TLK1: variants seen among roughly 807,000 people sequenced by gnomAD.
TLK1 encodes tousled like kinase 1, also known as serine/threonine-protein kinase tousled-like 1.
A neutral mutation model predicts 105.3 loss-of-function variants in TLK1; 24 were observed. The ratio of observed to expected loss-of-function variants is 0.23; its 90% CI spans 0.17 to 0.32. The LOEUF is 0.32. Among genes scored for constraint, TLK1 ranks in the 10% least tolerant of loss-of-function variants. The pLI is 1.00. For synonymous variants in TLK1, 321 were observed against 310.4 expected, an observed-to-expected ratio of 1.03 and a Z score of -0.36; for missense variants, 558 against 910.5, an observed-to-expected ratio of 0.61 and a Z score of 4.98.
chr2:171,114,041 A>G (rs992102940), intron 2 of TLK1, among the ~76,000 whole-genome samples: 2 of 152,190 alleles, frequency 1.3e-5, no homozygotes, highest in African/African-American at 4.8e-5. Context: ...CAATTACCAG[A>G]TGTCAAATGG....
At chr2:171,162,973 G>T (rs1692542675), upstream of TLK1, among the ~76,000 whole-genome samples, 1 of 152,134 alleles carries the variant, frequency 6.6e-6, no homozygotes, top group Non-Finnish European at 1.5e-5. Context: ...TGTATTTTTA[G>T]TAGAGATGGG....
At chr2:171,003,228 C>G (rs987679807) in intron 18 of TLK1, among the ~76,000 whole-genome samples, 2 of 133,098 alleles carry the variant, frequency 1.5e-5, no homozygotes, top group South Asian at 4.8e-4. Context: ...GAGCCGAGAT[C>G]GCACCACTGC....
chr2:171,079,115 T>C (rs1382999627), intron 3 of TLK1, among the ~76,000 whole-genome samples: 1 of 152,230 alleles, frequency 6.6e-6, no homozygotes, highest in Non-Finnish European at 1.5e-5. Flanking sequence ...AGAGCAGTAG[T>C]GGCTGAGAAT....
intron 10 of TLK1, among the ~76,000 whole-genome samples, chr2:171,046,672 T>C (rs1020365852): frequency 6.6e-6 from 1 of 152,226 alleles, no homozygotes; most frequent in African/African-American, 2.4e-5. Context: ...TCAGAAAGTG[T>C]CCGGTTAGAT....
At chr2:171,184,642 C>CA (rs140562844) in intron 1 of TLK1, among the ~76,000 whole-genome samples, 1,026 of 52,128 alleles carry the variant, frequency 0.02, 19 homozygotes, top group African/African-American at 0.051. Flanking sequence ...AACTCCGTCT[C>CA]AAAAAAAAAA....
At chr2:171,129,906 T>A (rs1176117926) in intron 1 of TLK1, among the ~76,000 whole-genome samples, 1 of 151,146 alleles carries the variant, frequency 6.6e-6, no homozygotes, top group Non-Finnish European at 1.5e-5. Flanking sequence ...TTCTAAATAT[T>A]CTAAATATTC....
chr2:171,173,268 A>G (rs1355917200), intron 1 of TLK1, among the ~76,000 whole-genome samples: 1 of 152,214 alleles, frequency 6.6e-6, no homozygotes, highest in Non-Finnish European at 1.5e-5. Context: ...AAAAAGGAAA[A>G]CACACAAATG....
intron 2 of TLK1, among the ~76,000 whole-genome samples, chr2:171,088,680 G>A (rs1473587644): frequency 6.6e-6 from 1 of 152,208 alleles, no homozygotes; most frequent in East Asian, 1.9e-4. Flanking sequence ...AACACTGGAA[G>A]CTAGAAGACA....
At chr2:171,022,634 T>C (rs1215093245) in intron 12 of TLK1, among the ~76,000 whole-genome samples, 1 of 152,186 alleles carries the variant, frequency 6.6e-6, no homozygotes, top group Non-Finnish European at 1.5e-5. Flanking sequence ...GAAGATTTCT[T>C]CCAGTCATGG....
At chr2:171,000,366 G>A (rs978029035) in intron 18 of TLK1, among the ~76,000 whole-genome samples, 38 of 102,204 alleles carry the variant, frequency 3.7e-4, no homozygotes, top group African/African-American at 1.1e-3. Flanking sequence ...GTGACAGAGC[G>A]AAACTCTGTC....
intron 2 of TLK1, among the ~76,000 whole-genome samples, chr2:171,095,715 AGAAT>A (rs1483004785): frequency 2.0e-5 from 3 of 152,216 alleles, no homozygotes; most frequent in African/African-American, 7.2e-5. Flanking sequence ...CCACATTAAC[AGAAT>A]GAAGAATAAA....
At chr2:171,209,313 G>A (rs1239849598) in intron 1 of TLK1, among the ~76,000 whole-genome samples, 1 of 152,092 alleles carries the variant, frequency 6.6e-6, no homozygotes, top group Non-Finnish European at 1.5e-5. Context: ...TTTTGATTTT[G>A]AACCATATGA....
intron 1 of TLK1, among the ~76,000 whole-genome samples, chr2:171,188,529 C>T (rs370941693): frequency 1.4e-4 from 22 of 152,206 alleles, no homozygotes; most frequent in African/African-American, 4.8e-4. Context: ...CATAGTGAAA[C>T]CCTGTCTCTA....
chr2:171,023,113 T>A lies in TLK1; in HGVS notation c.1236+5226A>T, dbSNP rs116875705. ...GAACAGGATTTCAGTGGCAGAGTTGTTGCTATACTGTTATCTCTTCAGAAC... is the reference window on the plus strand; with the variant it reads ...GAACAGGATTTCAGTGGCAGAGTTGATGCTATACTGTTATCTCTTCAGAAC... On this transcript the variant is annotated intron_variant, in intron 12 of 20. Coordinates refer to ENST00000431350, the MANE Select transcript of TLK1 (RefSeq NM_012290.5). 2.0e-3 allele frequency: 961 copies of A among 471,146 alleles called. 17 individuals carry two copies. The highest frequency in any genetic ancestry group is 0.015 in the East Asian group (216 of 14,400). 29.2% of individuals were successfully genotyped at this position (471,146 alleles called of 1,614,324 possible).
chr2:171,130,398 T>G (rs115250312), intron 1 of TLK1, among the ~76,000 whole-genome samples: 39,721 of 151,466 alleles, frequency 0.26, 5,401 homozygotes, highest in Middle Eastern at 0.35. Context: ...CAACTCTATC[T>G]CGGGGAAAAA....
At chr2:171,004,792 G>A (rs1684570373) in intron 18 of TLK1, among the ~76,000 whole-genome samples, 2 of 151,996 alleles carry the variant, frequency 1.3e-5, no homozygotes, top group South Asian at 2.1e-4. Flanking sequence ...AATGAGCCTT[G>A]TTGCTAAAAG....
intron 14 of TLK1, among the ~76,000 whole-genome samples, chr2:171,008,627 TC>T (rs1684755096): frequency 6.6e-6 from 1 of 152,118 alleles, no homozygotes; most frequent in Non-Finnish European, 1.5e-5. Flanking sequence ...ACTCAACATC[TC>T]CCATCCTGGT....
At position 171,227,911 on chromosome 2, in the gene TLK1, C is replaced by T. The variant is rs146979634; in HGVS notation, c.-6+3234G>A. On this transcript the variant is annotated intron_variant, in intron 1 of 20. Coordinates refer to the TLK1 transcript ENST00000521943. ...GCACTGAAGGCCAGACGCGGTGGCT[C>T]ACACCTGTAATCCCAGCACTTTGGA... Among the ~76,000 whole-genome samples the T allele has an allele frequency of 4.0e-3, 604 of 152,270 alleles. 3 individuals carry two copies. The highest frequency in any genetic ancestry group is 0.013 in the African/African-American group (560 of 41,554).
chr2:171,088,877 A>G (rs963404473), intron 2 of TLK1, among the ~76,000 whole-genome samples: 1 of 152,326 alleles, frequency 6.6e-6, no homozygotes, highest in South Asian at 2.1e-4. Context: ...TAAAGCAAGA[A>G]AGAGAAGATA....
Sources: gnomAD v4.1 joint callset for allele counts (sites outside exome capture counted in the v4.1 genomes callset) on GRCh38, gnomAD v4.1.1 for gene constraint, MANE v1.5 for transcripts, NCBI Gene and HGNC (gene_info 2026-07-23, HGNC 2026-07-21) for gene names.